HERC2: variants seen among roughly 807,000 people sequenced by gnomAD.
The protein encoded by HERC2 is E3 ubiquitin-protein ligase HERC2.
HERC2 carries 102 observed loss-of-function variants against 537.7 expected under a neutral mutation model. The observed-to-expected ratio is 0.19, with a 90% CI of 0.16 to 0.22. The LOEUF (loss-of-function observed/expected upper bound fraction) is 0.22, where lower values mean the gene tolerates loss of function less well. Ranked by LOEUF, HERC2 falls within the 10% of genes least tolerant of loss-of-function variation. HERC2 has a pLI of 1.00. For synonymous variants in HERC2, 2,224 were observed against 2,466.2 expected (o/e 0.90, Z 2.91); for missense variants, 4,236 against 6,198.2 (o/e 0.68, Z 10.63).
intron 19 of HERC2, 69 bp from the exon 20 acceptor site, chr15:28,254,587 T>C: frequency 8.9e-7 from 1 of 1,120,250 alleles, no homozygotes; most frequent in South Asian, 1.6e-5. Flanking sequence ...ACAGGCTGGC[T>C]GAGCCCTAAC....
At chr15:28,303,059 TTAC>T (rs1276203750) in intron 2 of HERC2, among the ~76,000 whole-genome samples, 1 of 151,800 alleles carries the variant, frequency 6.6e-6, no homozygotes, top group East Asian at 1.9e-4. Flanking sequence ...TTACGAAGTA[TTAC>T]TCAAGAAATC....
rs12898763 is a variant in HERC2 at position 28,221,916 on chromosome 15, A to G, written c.5652+112T>C. The G allele has an allele frequency of 4.5e-4, 417 of 932,718 alleles. 2 individuals carry two copies. The highest frequency in any genetic ancestry group is 1.6e-3 in the Middle Eastern group (5 of 3,194). 57.8% of individuals were successfully genotyped at this position (932,718 alleles called of 1,614,324 possible). ...CTCGGGAACCAACACCTGTGTCATC[A>G]ATCAACTGACACATCCTGGATTATT... On this transcript the variant is annotated intron_variant, in intron 36 of 92. Transcript: ENST00000261609.
intron 69 of HERC2, among the ~76,000 whole-genome samples, chr15:28,156,016 G>A (rs1892972393): frequency 6.6e-6 from 1 of 152,168 alleles, no homozygotes; most frequent in South Asian, 2.1e-4. Context: ...TTGTTGAATA[G>A]GGAATCCTTT....
rs1478258225 is a variant in HERC2, at chr15:28,186,572, C to T, written c.8825+5G>A. 1.2e-6 allele frequency: 2 copies of T among 1,612,634 alleles called. No individual in the cohort carries two copies. Among genetic ancestry groups the T allele is most frequent in the Non-Finnish European group, 1.7e-6 (2 of 1,179,310 alleles). ...AAGTGAGCACCTGTAACAAATGGTT[C>T]TCACCTTCCGCTGTTGCCTTTCTCA... On this transcript the variant is annotated splice_donor_5th_base_variant and intron_variant, in intron 56 of 92. Transcript: ENST00000261609.
chr15:28,245,299 C>A (rs997908840), intron 23 of HERC2, among the ~76,000 whole-genome samples: 1 of 152,058 alleles, frequency 6.6e-6, no homozygotes, highest in African/African-American at 2.4e-5. Context: ...GTAATCCCAG[C>A]GCTTTGGGAG....
chr15:28,297,115 TC>T (rs2076490920), intron 3 of HERC2, among the ~76,000 whole-genome samples: 1 of 152,260 alleles, frequency 6.6e-6, no homozygotes, highest in Non-Finnish European at 1.5e-5. Flanking sequence ...AGCTTTGGTG[TC>T]TGAAAGTTTC....
chr15:28,190,988 G>C lies in HERC2; in HGVS notation c.8626C>G (p.Pro2876Ala). The change falls in exon 55 of 93, where the codon CCC becomes GCC. Residue 2876 changes from proline to alanine, a missense_variant. By Grantham distance (27) the Pro-to-Ala change is conservative. Coordinates refer to ENST00000261609, the MANE Select transcript of HERC2 (RefSeq NM_004667.6). The part of the protein sequence containing the change: ...ININPSDTTV[P>A]LLNDCTEYHR... Reference sequence around the variant, plus strand: ...ACCTCTGTGCAGTCATTCAGAAGGGGCACTGTGGTGTCAGAAGGGTTAATA... The same window carrying C: ...ACCTCTGTGCAGTCATTCAGAAGGGCCACTGTGGTGTCAGAAGGGTTAATA... 6.2e-7 allele frequency: 1 copy of C among 1,609,796 alleles called. No individual in the cohort carries two copies. Among genetic ancestry groups the C allele is most frequent in the South Asian group, 1.1e-5 (1 of 91,004 alleles).
chr15:28,136,188 TA>T (rs1040988837), intron 78 of HERC2, among the ~76,000 whole-genome samples: 14 of 152,220 alleles, frequency 9.2e-5, no homozygotes, highest in Admixed American at 8.5e-4. Context: ...TGATTAATTT[TA>T]AAAAATGATT....
rs376433470 is a variant in HERC2 at position 28,175,835 on chromosome 15, C to G, written c.9687-179G>C. On this transcript the variant is annotated intron_variant, in intron 63 of 92. Transcript: ENST00000261609. Reference sequence around the variant, plus strand: ...CATTAATTCAAATTAACTTATTAAGCCAGCTGGGAAAAACCTTAATACCTT... The same window carrying G: ...CATTAATTCAAATTAACTTATTAAGGCAGCTGGGAAAAACCTTAATACCTT... 2.6e-5 allele frequency among the ~76,000 whole-genome samples: 4 copies of G among 152,130 alleles called. No individual in the cohort carries two copies. In the East Asian group the frequency reaches 5.8e-4, roughly 22 times the overall value.
chr15:28,211,155 G>A lies in HERC2; in HGVS notation c.6926-10C>T, dbSNP rs1899172811. On this transcript the variant is annotated splice_polypyrimidine_tract_variant and intron_variant, in intron 43 of 92. Transcript: ENST00000261609. ...TCCAGGTCCACTTGTCCTGCGGAAG[G>A]AAAGACTCAGTGAGAAGGGCGTGCC... The A allele has an allele frequency of 7.0e-7, 1 of 1,420,870 alleles. No homozygotes were observed. The highest frequency in any genetic ancestry group is 1.7e-5 in the Admixed American group (1 of 59,504). The allele number at this position is 1,420,870 out of a possible 1,614,324, so 88.0% of individuals were successfully genotyped here.
At chr15:28,112,800 C>T (rs368385519) in intron 92 of HERC2, among the ~76,000 whole-genome samples, 5 of 152,148 alleles carry the variant, frequency 3.3e-5, no homozygotes, top group African/African-American at 9.7e-5. Flanking sequence ...GAGTGCTTTA[C>T]GTGTGTTTGA....
At chr15:28,117,476 C>A (rs956948351) in intron 86 of HERC2, 2 of 631,454 alleles carry the variant, frequency 3.2e-6, no homozygotes, top group Admixed American at 4.2e-5. Context: ...CCGGCAGCAC[C>A]ACCCTGGCAC....
chr15:28,249,365 A>G (rs539310566), intron 20 of HERC2, among the ~76,000 whole-genome samples: 1 of 152,326 alleles, frequency 6.6e-6, no homozygotes, highest in South Asian at 2.1e-4. Flanking sequence ...CGAAGAAAGT[A>G]GAAGAGGCTC....
chr15:28,167,716 T>A lies in HERC2; in HGVS notation c.10525A>T (p.Ile3509Phe), dbSNP rs1435695377. ...VTDDLGAASI[I>F]AETMTKTKED... is the part of the protein sequence containing the mutation. ...TTGGTTTTGGTCATGGTTTCTGCAATGATGCTTGCGGCTCCCAGGTCATCC... is the reference window on the plus strand; with the variant it reads ...TTGGTTTTGGTCATGGTTTCTGCAAAGATGCTTGCGGCTCCCAGGTCATCC... The change falls in exon 68 of 93, where the codon ATT (isoleucine) becomes TTT (phenylalanine). Residue 3509 changes from isoleucine to phenylalanine, a missense_variant. Physicochemically the swap from Ile to Phe is conservative, Grantham distance 21. Around this residue, in one of 27 missense-constraint regions of HERC2, gnomAD observed 356 missense variants for 450.9 expected, o/e 0.79. Coordinates refer to ENST00000261609, the MANE Select transcript of HERC2 (RefSeq NM_004667.6). The A allele has an allele frequency of 6.2e-7, 1 of 1,614,080 alleles. No homozygotes were observed. The highest frequency in any genetic ancestry group is 8.5e-7 in the Non-Finnish European group (1 of 1,180,050).
intron 55 of HERC2, among the ~76,000 whole-genome samples, chr15:28,189,561 G>A (rs1896636770): frequency 6.6e-6 from 1 of 152,118 alleles, no homozygotes; most frequent in Admixed American, 6.5e-5. Flanking sequence ...ACTGGTATTG[G>A]CTATAATGAA....
At position 28,144,767 on chromosome 15, in the gene HERC2, G is replaced by A. The variant is rs762323034; in HGVS notation, c.11046C>T (p.Ile3682=). 1 of 1,614,070 alleles carries A rather than the reference G, an allele frequency of 6.2e-7. No homozygotes were observed. The highest frequency in any genetic ancestry group is 1.3e-5 in the African/African-American group (1 of 74,924). The part of the protein sequence containing the change: ...EWSDWSSELR[I]PGDELKWKFI... ...ACTTCCACTTTAACTCATCCCCTGG[G>A]ATGCGCAGCTCGCTGGACCAGTCGG... The change falls in exon 72 of 93, where the codon ATC becomes ATT. Residue 3682 remains isoleucine (I), a synonymous_variant. Transcript: ENST00000261609.
chr15:28,116,913 G>C (rs1888318675), intron 87 of HERC2, 54 bp from the exon 88 acceptor site: 2 of 1,608,312 alleles, frequency 1.2e-6, no homozygotes, highest in South Asian at 1.1e-5. Context: ...TGTGTAAAGA[G>C]AGCCCCAACG....
intron 4 of HERC2, among the ~76,000 whole-genome samples, chr15:28,281,808 T>A (rs2076026832): frequency 6.6e-6 from 1 of 152,154 alleles, no homozygotes; most frequent in Admixed American, 6.5e-5. Context: ...CGAGCCACCC[T>A]TCAGGCAAGG....
In HERC2 at chr15:28,116,764, T is replaced by C. The variant is rs1368496563; in HGVS notation, c.13510A>G (p.Thr4504Ala). 1 of 1,613,944 alleles carries C rather than the reference T, an allele frequency of 6.2e-7. No homozygotes were observed. The highest frequency in any genetic ancestry group is 8.5e-7 in the Non-Finnish European group (1 of 1,179,994). ...CCAGACTCATCCCTCCCGTTGGGTGTCACGATCAGCAGGGGCGTGAGTCCG... is the reference window on the plus strand; with the variant it reads ...CCAGACTCATCCCTCCCGTTGGGTGCCACGATCAGCAGGGGCGTGAGTCCG... ...QNGLTPLLIV[T>A]PNGRDESGAN... Residue 4504 changes from threonine (T) to alanine (A), a missense_variant, in exon 88 of 93, where the codon ACA (threonine) becomes GCA (alanine). This residue lies in a region of HERC2 where 313 missense variants were observed against 462.6 expected (regional missense o/e 0.68). Coordinates refer to ENST00000261609, the MANE Select transcript of HERC2 (RefSeq NM_004667.6).
Sources: gnomAD v4.1 joint callset for allele counts (sites outside exome capture counted in the v4.1 genomes callset) on GRCh38, gnomAD v4.1.1 for gene constraint, gnomAD v4.1.1 regional missense constraint, MANE v1.5 for transcripts, NCBI Gene and HGNC (gene_info 2026-07-23, HGNC 2026-07-21) for gene names.